Variants in PEAK1 observed in about 807,000 individuals in gnomAD.
PEAK1 encodes pseudopodium enriched atypical kinase 1.
A neutral mutation model predicts 124.7 loss-of-function variants in PEAK1; 54 were observed. The observed-to-expected ratio is 0.43, with a 90% CI of 0.35 to 0.54. PEAK1 has a LOEUF of 0.54. Among genes scored for constraint, PEAK1 ranks in the 20% least tolerant of loss-of-function variants. The probability of loss-of-function intolerance (pLI) is 0.01; values close to 1 mark genes in which losing one functional copy is unlikely to be tolerated. For missense variants in PEAK1, 2,046 were observed against 2,134.5 expected, an observed-to-expected ratio of 0.96 and a Z score of 0.82; for synonymous variants, 719 against 760.0, an observed-to-expected ratio of 0.95 and a Z score of 0.89.
chr15:77,336,060 A>G, intron 2 of PEAK1: 4 of 985,436 alleles, frequency 4.1e-6, no homozygotes, highest in Non-Finnish European at 4.8e-6. Flanking sequence ...AACAAGAATA[A>G]CAGTGCCATT....
At chr15:77,378,219 T>C (rs913756797) in intron 1 of PEAK1, among the ~76,000 whole-genome samples, 23 of 147,286 alleles carry the variant, frequency 1.6e-4, no homozygotes, top group Admixed American at 2.0e-4. Flanking sequence ...CATAATCCCA[T>C]AAAAATAAAG....
intron 7 of PEAK1, among the ~76,000 whole-genome samples, chr15:77,160,487 C>T (rs138352847): frequency 6.6e-6 from 1 of 152,084 alleles, no homozygotes; most frequent in Non-Finnish European, 1.5e-5. Flanking sequence ...ACCATCCTGG[C>T]CAACATGGTG....
intron 6 of PEAK1, among the ~76,000 whole-genome samples, chr15:77,218,757 A>T (rs1309402788): frequency 6.6e-6 from 1 of 152,004 alleles, no homozygotes; most frequent in Admixed American, 6.6e-5. Context: ...TATATTTTGC[A>T]TTATTTTTTT....
At position 77,115,023 on chromosome 15, in the gene PEAK1, G is replaced by A. The variant is rs750901910; in HGVS notation, c.4374C>T (p.His1458=). 1.1e-5 allele frequency: 17 copies of A among 1,614,004 alleles called. No individual in the cohort carries two copies. In the Admixed American group the frequency reaches 1.2e-4, roughly 11 times the overall value. Residue 1458 remains histidine (H), a synonymous_variant, in exon 10 of 10, where the codon CAC becomes CAT. Coordinates refer to ENST00000682557, the MANE Select transcript of PEAK1 (RefSeq NM_001385026.1). ...GAACCTCCCTGGTGATGACCACAAC[G>A]TGGCTCCTCTGCTTCTTGCTCATGA... ...QGVMSKKQRS[H]VVVITREVPC...
chr15:77,278,530 GAGA>G (rs1352825438), intron 5 of PEAK1: 1 of 491,876 alleles, frequency 2.0e-6, no homozygotes, highest in East Asian at 5.5e-5. Context: ...ACAAACCACA[GAGA>G]AGATCTGCAA....
chr15:77,389,820 C>G (rs2070301431), intron 1 of PEAK1, among the ~76,000 whole-genome samples: 1 of 152,104 alleles, frequency 6.6e-6, no homozygotes, highest in Admixed American at 6.5e-5. Context: ...GTAGTAAAAT[C>G]TTGACTGCAA....
At chr15:77,197,365 G>A (rs1200881690) in intron 6 of PEAK1, among the ~76,000 whole-genome samples, 1 of 152,082 alleles carries the variant, frequency 6.6e-6, no homozygotes, top group Non-Finnish European at 1.5e-5. Context: ...AAAAACAAGA[G>A]GTGAAATTTA....
chr15:77,233,754 TTCTTA>T (rs1201803482), intron 6 of PEAK1, among the ~76,000 whole-genome samples: 2 of 152,256 alleles, frequency 1.3e-5, no homozygotes, highest in African/African-American at 4.8e-5. Flanking sequence ...CAACAGTTCC[TTCTTA>T]TAATTATTAA....
At chr15:77,374,835 A>G (rs987710099) in intron 1 of PEAK1, among the ~76,000 whole-genome samples, 46 of 152,168 alleles carry the variant, frequency 3.0e-4, no homozygotes, top group African/African-American at 1.1e-3. Context: ...AAACAAAAAC[A>G]AAACCCTGCT....
intron 1 of PEAK1, chr15:77,402,167 G>GAAAAAAAAAAAA (rs1258744393): frequency 1.5e-6 from 1 of 647,710 alleles, no homozygotes; most frequent in Non-Finnish European, 1.7e-6. Flanking sequence ...ACTCCACCTC[G>GAAAAAAAAAAAA]GAAAAAAAAA....
chr15:77,116,742 AT>A (rs2051421838), intron 9 of PEAK1, among the ~76,000 whole-genome samples: 1 of 151,484 alleles, frequency 6.6e-6, no homozygotes, highest in Non-Finnish European at 1.5e-5. Flanking sequence ...CTATCTATCT[AT>A]CTATCTATCT....
Position 77,114,902 on chromosome 15 carries a change from G to GT in PEAK1, c.4494dup (p.Gln1499ThrfsTer7). ...AGGTGCTCAAGACCAGAGCATAGCT[G>GT]TAAGAGCAGCAGACACACCTGCCTC... On this transcript the variant is annotated frameshift_variant, in exon 10 of 10. Coordinates refer to ENST00000682557, the MANE Select transcript of PEAK1 (RefSeq NM_001385026.1). LOFTEE classifies it high-confidence loss of function. 1 of 1,614,008 alleles carries GT rather than the reference G, an allele frequency of 6.2e-7. No individual in the cohort carries two copies. Among genetic ancestry groups the GT allele is most frequent in the Non-Finnish European group, 8.5e-7 (1 of 1,180,024 alleles).
At chr15:77,270,099 G>C (rs141074057) in intron 5 of PEAK1, among the ~76,000 whole-genome samples, 2 of 151,920 alleles carry the variant, frequency 1.3e-5, no homozygotes, top group Non-Finnish European at 2.9e-5. Flanking sequence ...GTCAATTTTG[G>C]AATAAATTAG....
rs550989740 is a variant in PEAK1, at chr15:77,246,208, T to A, written c.-115+6159A>T. ...ATTTTTAGTAGAGACAAGGTTTCATTATGTTGGCCAGAATGGTCTTGATCT... is the reference window on the plus strand; with the variant it reads ...ATTTTTAGTAGAGACAAGGTTTCATAATGTTGGCCAGAATGGTCTTGATCT... On this transcript the variant is annotated intron_variant, in intron 6 of 9. Coordinates refer to ENST00000682557, the MANE Select transcript of PEAK1 (RefSeq NM_001385026.1). 4.6e-5 allele frequency among the ~76,000 whole-genome samples: 7 copies of A among 152,126 alleles called. No individual in the cohort carries two copies. In the East Asian group the frequency reaches 1.2e-3, roughly 25 times the overall value.
At chr15:77,215,546 G>A (rs1418736736) in intron 6 of PEAK1, among the ~76,000 whole-genome samples, 1 of 152,022 alleles carries the variant, frequency 6.6e-6, no homozygotes, top group Non-Finnish European at 1.5e-5. Context: ...GTAAATAATT[G>A]TTACACTGCA....
At chr15:77,288,755 C>T (rs979246210) in intron 2 of PEAK1, among the ~76,000 whole-genome samples, 1 of 152,004 alleles carries the variant, frequency 6.6e-6, no homozygotes, top group Non-Finnish European at 1.5e-5. Context: ...ATGGTGAAAC[C>T]TCATCTCTAC....
At chr15:77,347,179 G>C (rs138064467) in intron 2 of PEAK1, 2 of 963,366 alleles carry the variant, frequency 2.1e-6, no homozygotes, top group African/African-American at 1.8e-5. Flanking sequence ...TGTGAACAAC[G>C]TTAACAACGG....
chr15:77,109,991 C>T lies in PEAK1; in HGVS notation c.*4165G>A, dbSNP rs2050891850. The T allele has an allele frequency of 6.6e-6, 1 of 152,228 alleles. No homozygotes were observed. Among genetic ancestry groups the T allele is most frequent in the Non-Finnish European group, 1.5e-5 (1 of 68,032 alleles). The allele number at this position is 152,228 out of a possible 1,614,324, so 9.4% of individuals were successfully genotyped here. A position where few individuals can be genotyped will look rare whatever the true frequency, so the allele number is the denominator to read the frequency against. ...GAAGAAATCCTAATTGCAGTCAAAT[C>T]TAGCGAAAACCCTAATTCCAGCAAA... On this transcript the variant is annotated 3_prime_UTR_variant, in exon 10 of 10. Transcript: ENST00000682557.
intron 1 of PEAK1, among the ~76,000 whole-genome samples, chr15:77,389,102 A>G (rs12906708): frequency 0.66 from 99,342 of 151,480 alleles, 33,523 homozygotes; most frequent in Non-Finnish European, 0.75. Context: ...GACTACAGAC[A>G]TGCACCAACT....
Sources: gnomAD v4.1 joint callset for allele counts (sites outside exome capture counted in the v4.1 genomes callset) on GRCh38, gnomAD v4.1.1 for gene constraint, MANE v1.5 for transcripts, NCBI Gene and HGNC (gene_info 2026-07-23, HGNC 2026-07-21) for gene names.